Variants in GNAQ observed in about 807,000 individuals in gnomAD.
The protein encoded by GNAQ is guanine nucleotide-binding protein G(q) subunit alpha.
In GNAQ, 8 loss-of-function variants were observed where a neutral mutation model predicts 43.9. The ratio of observed to expected loss-of-function variants is 0.18; its 90% CI spans 0.11 to 0.33. The LOEUF (loss-of-function observed/expected upper bound fraction) is 0.33, where lower values mean the gene tolerates loss of function less well. Ranked by LOEUF, GNAQ falls within the 10% of genes least tolerant of loss-of-function variation. GNAQ has a pLI of 1.00. For missense variants in GNAQ, 158 were observed against 450.8 expected (o/e 0.35, Z 5.88); for synonymous variants, 155 against 170.7 (o/e 0.91, Z 0.71).
At chr9:77,724,140 T>C (rs974181080) in intron 6 of GNAQ, among the ~76,000 whole-genome samples, 1 of 152,182 alleles carries the variant, frequency 6.6e-6, no homozygotes, top group Non-Finnish European at 1.5e-5. Flanking sequence ...TGTTGCTTTA[T>C]ATATGCATTT....
At chr9:77,801,613 T>A (rs957682485) in intron 3 of GNAQ, among the ~76,000 whole-genome samples, 1 of 152,170 alleles carries the variant, frequency 6.6e-6, no homozygotes, top group African/African-American at 2.4e-5. Flanking sequence ...CTCACTTTGC[T>A]TGGGGTGAAA....
intron 2 of GNAQ, among the ~76,000 whole-genome samples, chr9:77,830,272 C>T (rs1236077166): frequency 1.3e-5 from 2 of 151,930 alleles, no homozygotes; most frequent in Non-Finnish European, 2.9e-5. Flanking sequence ...TTTTCTAATG[C>T]CCCCCCAAGT....
chr9:78,022,051 T>A (rs1564180965), intron 1 of GNAQ, among the ~76,000 whole-genome samples: 2 of 152,142 alleles, frequency 1.3e-5, no homozygotes, highest in Non-Finnish European at 2.9e-5. Context: ...CCAGGGGAGC[T>A]CTGGACAGAC....
chr9:77,755,025 T>C (rs745498454), intron 5 of GNAQ, among the ~76,000 whole-genome samples: 1 of 152,238 alleles, frequency 6.6e-6, no homozygotes, highest in South Asian at 2.1e-4. Flanking sequence ...GTGATACATA[T>C]ACACAATGGA....
chr9:77,885,852 C>T (rs998807300), intron 2 of GNAQ, among the ~76,000 whole-genome samples: 6 of 150,626 alleles, frequency 4.0e-5, no homozygotes, highest in Non-Finnish European at 8.9e-5. Context: ...TTTGTTGAAA[C>T]TACATTCAAA....
Position 77,719,247 on chromosome 9 carries a change from C to T in GNAQ, c.*2076G>A, listed in dbSNP as rs1225355765. 4.3e-6 allele frequency: 1 copy of T among 231,946 alleles called. No individual in the cohort carries two copies. Among genetic ancestry groups the T allele is most frequent in the Non-Finnish European group, 8.5e-6 (1 of 117,462 alleles). The allele number at this position is 231,946 out of a possible 1,614,324, so 14.4% of individuals were successfully genotyped here. A position where few individuals can be genotyped will look rare whatever the true frequency, so the allele number is the denominator to read the frequency against. ...ATTCAAAACGTGAATTAGCTATAGA[C>T]ATACAATACAATTACATAGATACAT... On this transcript the variant is annotated 3_prime_UTR_variant, in exon 7 of 7. Coordinates refer to ENST00000286548, the MANE Select transcript of GNAQ (RefSeq NM_002072.5).
chr9:78,015,455 C>G (rs1432562654), intron 1 of GNAQ, among the ~76,000 whole-genome samples: 1 of 152,200 alleles, frequency 6.6e-6, no homozygotes, highest in South Asian at 2.1e-4. Flanking sequence ...ACACCAGAGT[C>G]ATGGAAGACT....
chr9:77,817,000 G>T (rs1344991097), intron 2 of GNAQ, among the ~76,000 whole-genome samples: 3 of 152,238 alleles, frequency 2.0e-5, no homozygotes, highest in African/African-American at 7.2e-5. Context: ...ATCGGATCTA[G>T]TAACTGAGAA....
intron 2 of GNAQ, among the ~76,000 whole-genome samples, chr9:77,907,120 A>C (rs1828722359): frequency 6.6e-6 from 1 of 152,242 alleles, no homozygotes; most frequent in Non-Finnish European, 1.5e-5. Flanking sequence ...AGCTATGTTC[A>C]CATACCAGAG....
At chr9:77,911,087 T>A (rs906778311) in intron 2 of GNAQ, among the ~76,000 whole-genome samples, 4 of 152,186 alleles carry the variant, frequency 2.6e-5, no homozygotes, top group Non-Finnish European at 5.9e-5. Context: ...CTTCCTTTCA[T>A]CCAATTTTAA....
chr9:77,717,105 T>C lies in GNAQ; in HGVS notation c.*4218A>G. Reference sequence around the variant, plus strand: ...CCAAAATGAAATCCCAAAGACACAGTTACCAGGACAGATCTATTAACGCTA... The same window carrying C: ...CCAAAATGAAATCCCAAAGACACAGCTACCAGGACAGATCTATTAACGCTA... On this transcript the variant is annotated 3_prime_UTR_variant, in exon 7 of 7. Coordinates refer to ENST00000286548, the MANE Select transcript of GNAQ (RefSeq NM_002072.5). The C allele has an allele frequency of 4.3e-6, 1 of 232,650 alleles. No homozygotes were observed. Among genetic ancestry groups the C allele is most frequent in the Non-Finnish European group, 8.5e-6 (1 of 117,696 alleles). 14.4% of individuals were successfully genotyped at this position (232,650 alleles called of 1,614,324 possible). A position where few individuals can be genotyped will look rare whatever the true frequency, so the allele number is the denominator to read the frequency against.
At position 77,899,350 on chromosome 9, in the gene GNAQ, G is replaced by A. The variant is rs148164349; in HGVS notation, c.321+22811C>T. On this transcript the variant is annotated intron_variant, in intron 2 of 6. Transcript: ENST00000286548. ...GGTCACAAGCGATCCACCTGCCTCA[G>A]CCTCCCAAAGTGCTGGGACTACAGG... Among the ~76,000 whole-genome samples, 9 of 152,198 alleles carry A rather than the reference G, an allele frequency of 5.9e-5. No homozygotes were observed. In the East Asian group the frequency reaches 1.7e-3, roughly 29 times the overall value.
chr9:77,850,894 C>A (rs1464281550), intron 2 of GNAQ, among the ~76,000 whole-genome samples: 1 of 152,254 alleles, frequency 6.6e-6, no homozygotes, highest in South Asian at 2.1e-4. Context: ...CACCATGGCA[C>A]ATCCCCACCC....
At chr9:77,832,002 T>G (rs1237214430) in intron 2 of GNAQ, among the ~76,000 whole-genome samples, 1 of 152,172 alleles carries the variant, frequency 6.6e-6, no homozygotes, top group Non-Finnish European at 1.5e-5. Context: ...TCATGTGCTC[T>G]TCTCACCTGA....
chr9:77,743,256 CAAACAAA>C lies in GNAQ; in HGVS notation c.736-14596_736-14590del, dbSNP rs557259808. Among the ~76,000 whole-genome samples, 582 of 151,826 alleles carry C rather than the reference CAAACAAA, an allele frequency of 3.8e-3. 2 individuals carry two copies. The highest frequency in any genetic ancestry group is 0.013 in the African/African-American group (544 of 41,402). On this transcript the variant is annotated intron_variant, in intron 5 of 6. Transcript: ENST00000286548. ...CTCATGACAGAGTGAGACTCCATCT[CAAACAAA>C]AAACAAAAAACAAACAAACAAACAA...
At position 77,970,014 on chromosome 9, in the gene GNAQ, T is replaced by C. The variant is rs147624870; in HGVS notation, c.137-47669A>G. 5.5e-3 allele frequency among the ~76,000 whole-genome samples: 830 copies of C among 151,820 alleles called. 6 individuals carry two copies. The highest frequency in any genetic ancestry group is 0.018 in the African/African-American group (753 of 41,414). On this transcript the variant is annotated intron_variant, in intron 1 of 6. Transcript: ENST00000286548. ...CGGGCAGATCACCTGAGGTCAGGAG[T>C]TTGATACCAGCCTCGTCAACATGGT...
chr9:77,973,733 G>A (rs4237277), intron 1 of GNAQ, among the ~76,000 whole-genome samples: 47,228 of 151,962 alleles, frequency 0.31, 7,661 homozygotes, highest in South Asian at 0.43. Context: ...CAGGAGAATC[G>A]CTTGAATGTG....
At chr9:77,830,045 A>T (rs1334288299) in intron 2 of GNAQ, among the ~76,000 whole-genome samples, 3 of 151,988 alleles carry the variant, frequency 2.0e-5, no homozygotes, top group African/African-American at 7.3e-5. Context: ...CTTGATCTCC[A>T]GGGTTCAGGT....
At chr9:77,969,406 C>T (rs1823208893) in intron 1 of GNAQ, among the ~76,000 whole-genome samples, 1 of 152,146 alleles carries the variant, frequency 6.6e-6, no homozygotes, top group East Asian at 1.9e-4. Context: ...AGCTTTACTG[C>T]CCAAGATCTT....
Sources: gnomAD v4.1 joint callset for allele counts (sites outside exome capture counted in the v4.1 genomes callset) on GRCh38, gnomAD v4.1.1 for gene constraint, MANE v1.5 for transcripts, NCBI Gene and HGNC (gene_info 2026-07-23, HGNC 2026-07-21) for gene names.